SNX4: variants seen among roughly 807,000 people sequenced by gnomAD.
SNX4 encodes sorting nexin 4.
In SNX4, 49 loss-of-function variants were observed where a neutral mutation model predicts 70.8. The ratio of observed to expected loss-of-function variants is 0.69; its 90% CI spans 0.55 to 0.88. SNX4 has a LOEUF of 0.88. SNX4 is among the 40% of genes least tolerant of loss of function. SNX4 has a pLI of 0.00. For synonymous variants in SNX4, 206 were observed against 183.8 expected (o/e 1.12, Z -0.98); for missense variants, 528 against 544.8 (o/e 0.97, Z 0.31).
At chr3:125,499,107 G>T (rs202159871) in intron 2 of SNX4, among the ~76,000 whole-genome samples, 1 of 152,176 alleles carries the variant, frequency 6.6e-6, no homozygotes, top group East Asian at 1.9e-4. Flanking sequence ...GGTAGGCAAT[G>T]CCATGTCTCA....
intron 10 of SNX4, among the ~76,000 whole-genome samples, chr3:125,459,041 G>C (rs1933808003): frequency 6.6e-6 from 1 of 151,992 alleles, no homozygotes; most frequent in Non-Finnish European, 1.5e-5. Flanking sequence ...GGGCATGGTG[G>C]TGCATGCCTG....
intron 10 of SNX4, among the ~76,000 whole-genome samples, chr3:125,458,836 A>G (rs1169725810): frequency 1.8e-5 from 2 of 113,416 alleles, no homozygotes; most frequent in East Asian, 5.0e-4. Flanking sequence ...AAAAAAAAAA[A>G]AAAAAAAAAG....
intron 8 of SNX4, among the ~76,000 whole-genome samples, chr3:125,472,106 A>C (rs187407832): frequency 7.2e-5 from 11 of 152,230 alleles, no homozygotes; most frequent in Admixed American, 5.9e-4. Flanking sequence ...GTCACAGCTC[A>C]GTCTTTTTTC....
intron 8 of SNX4, among the ~76,000 whole-genome samples, chr3:125,471,885 T>C (rs1934182990): frequency 6.6e-6 from 1 of 152,206 alleles, no homozygotes; most frequent in African/African-American, 2.4e-5. Context: ...GGTCAGGTGC[T>C]ATTAATAAGG....
chr3:125,493,098 T>C (rs1380195522), intron 5 of SNX4, among the ~76,000 whole-genome samples: 1 of 152,136 alleles, frequency 6.6e-6, no homozygotes, highest in East Asian at 1.9e-4. Context: ...GTAAAATGAG[T>C]ATTTATATTT....
chr3:125,462,689 C>T (rs78752474), intron 9 of SNX4, among the ~76,000 whole-genome samples: 6,506 of 151,138 alleles, frequency 0.043, 211 homozygotes, highest in Non-Finnish European at 0.058. Context: ...TGGCAAGTTG[C>T]AGTTTATCAG....
Position 125,451,335 on chromosome 3 carries a change from A to G in SNX4, c.1275T>C (p.Tyr425=), listed in dbSNP as rs781633686. 6.2e-7 allele frequency: 1 copy of G among 1,613,770 alleles called. No individual in the cohort carries two copies. The highest frequency in any genetic ancestry group is 1.1e-5 in the South Asian group (1 of 91,072). ...NRDLKEALIS[Y]AVMQISMCKK... ...TGCACATACTGATCTGCATGACTGCATAGCTTATGAGGGCCTCCTTTAAGT... is the reference window on the plus strand; with the variant it reads ...TGCACATACTGATCTGCATGACTGCGTAGCTTATGAGGGCCTCCTTTAAGT... The change falls in exon 13 of 14, where the codon TAT becomes TAC. Residue 425 remains tyrosine (Y), a synonymous_variant. Coordinates refer to ENST00000251775, the MANE Select transcript of SNX4 (RefSeq NM_003794.4).
intron 2 of SNX4, among the ~76,000 whole-genome samples, chr3:125,504,122 G>A (rs1934989168): frequency 6.6e-6 from 1 of 152,126 alleles, no homozygotes; most frequent in Admixed American, 6.5e-5. Context: ...TTTGAGATCA[G>A]GAGTTTGAGA....
chr3:125,447,854 T>C, intron 13 of SNX4, 28 bp from the exon 14 acceptor site: 1 of 1,496,592 alleles, frequency 6.7e-7, no homozygotes, highest in South Asian at 1.2e-5. Flanking sequence ...AACTTTAAAA[T>C]GTGAGTTTGG....
At position 125,485,024 on chromosome 3, in the gene SNX4, G is replaced by A. The variant is rs187871107; in HGVS notation, c.653+4384C>T. On this transcript the variant is annotated intron_variant, in intron 6 of 13. Transcript: ENST00000251775. ...GGAGGTTGCAGTGAGCCAAGGTCACGCCACTGCACTCCAGCTTGGCGAGAG... is the reference window on the plus strand; with the variant it reads ...GGAGGTTGCAGTGAGCCAAGGTCACACCACTGCACTCCAGCTTGGCGAGAG... Among the ~76,000 whole-genome samples, 455 of 151,942 alleles carry A rather than the reference G, an allele frequency of 3.0e-3. 4 individuals are homozygous for A. The highest frequency in any genetic ancestry group is 0.025 in the South Asian group (122 of 4,796).
chr3:125,501,359 G>A (rs966846869), intron 2 of SNX4, among the ~76,000 whole-genome samples: 1 of 152,192 alleles, frequency 6.6e-6, no homozygotes, highest in South Asian at 2.1e-4. Flanking sequence ...GCTCACACCT[G>A]TAATTCCAGC....
intron 1 of SNX4, 127 bp downstream of exon 1, chr3:125,519,905 C>T: frequency 3.5e-6 from 3 of 866,270 alleles, no homozygotes; most frequent in Non-Finnish European, 4.9e-6. Context: ...CCTCGCTCCC[C>T]CTCACTGCTG....
In SNX4 at chr3:125,476,711, A is replaced by G. The variant is rs1224169159; in HGVS notation, c.772T>C (p.Tyr258His). ...GATGCTTACCTGAAAACTCGACCAT[A>G]ATTCCCATGTACTTTATATACACCA... ...LYGVYKVHGN[Y>H]GRVFSEWSAI... The change falls in exon 8 of 14, where the codon TAT becomes CAT. Residue 258 changes from tyrosine to histidine, a missense_variant. Physicochemically the swap from Tyr to His is moderately conservative, Grantham distance 83. This residue lies in a region of SNX4 where 28 missense variants were observed against 60.0 expected (regional missense o/e 0.47). Transcript: ENST00000251775. 6.3e-7 allele frequency: 1 copy of G among 1,593,790 alleles called. No individual in the cohort carries two copies. Among genetic ancestry groups the G allele is most frequent in the East Asian group, 2.2e-5 (1 of 44,692 alleles).
intron 13 of SNX4, among the ~76,000 whole-genome samples, chr3:125,448,614 A>C (rs1424990491): frequency 6.6e-6 from 1 of 151,506 alleles, no homozygotes; most frequent in Non-Finnish European, 1.5e-5. Context: ...CCTAATATGC[A>C]TAAGCAAAAA....
At chr3:125,482,099 G>A (rs1384909674) in intron 6 of SNX4, among the ~76,000 whole-genome samples, 1 of 152,012 alleles carries the variant, frequency 6.6e-6, no homozygotes, top group African/African-American at 2.4e-5. Flanking sequence ...TTCAGTCCTG[G>A]GTCCTCAGCT....
chr3:125,474,083 T>G (rs1411865715), intron 8 of SNX4, among the ~76,000 whole-genome samples: 4 of 152,148 alleles, frequency 2.6e-5, no homozygotes, highest in Admixed American at 2.6e-4. Context: ...TCACAAATCC[T>G]TAGGCACTCA....
chr3:125,458,644 G>A (rs1386001075), intron 10 of SNX4, among the ~76,000 whole-genome samples: 3 of 150,078 alleles, frequency 2.0e-5, no homozygotes, highest in Admixed American at 6.6e-5. Flanking sequence ...GTGAAACCCC[G>A]TCTCTACTAA....
At chr3:125,447,948 A>C (rs1933468360) in intron 13 of SNX4, 122 bp from the exon 14 acceptor site, 1 of 588,956 alleles carries the variant, frequency 1.7e-6, no homozygotes, top group Admixed American at 3.5e-5. Context: ...AGAAAATATG[A>C]CACTATTTTG....
intron 5 of SNX4, among the ~76,000 whole-genome samples, chr3:125,489,856 T>G (rs920356339): frequency 3.9e-5 from 6 of 152,272 alleles, no homozygotes. Context: ...CCGGGCACAG[T>G]GGCTCATGCC....
Sources: gnomAD v4.1 joint callset for allele counts (sites outside exome capture counted in the v4.1 genomes callset) on GRCh38, gnomAD v4.1.1 for gene constraint, gnomAD v4.1.1 regional missense constraint, MANE v1.5 for transcripts, NCBI Gene and HGNC (gene_info 2026-07-23, HGNC 2026-07-21) for gene names.